Variants in PDE6A observed in about 807,000 individuals in gnomAD.
The protein encoded by PDE6A is phosphodiesterase 6A.
A neutral mutation model predicts 106.3 loss-of-function variants in PDE6A; 84 were observed. That is an observed-to-expected ratio of 0.79 (90% CI 0.66 to 0.95). PDE6A has a LOEUF of 0.95. Among genes scored for constraint, PDE6A ranks in the 40% least tolerant of loss-of-function variants. The pLI is 0.00. For synonymous variants in PDE6A, 394 were observed against 386.6 expected, an observed-to-expected ratio of 1.02 and a Z score of -0.23; for missense variants, 1,052 against 1,084.9, an observed-to-expected ratio of 0.97 and a Z score of 0.43.
At chr5:149,932,838 G>C (rs1754081663) in intron 3 of PDE6A, among the ~76,000 whole-genome samples, 2 of 152,342 alleles carry the variant, frequency 1.3e-5, no homozygotes, top group South Asian at 4.1e-4. Context: ...CCACAGGAGG[G>C]TCCCGGTGAG....
intron 13 of PDE6A, among the ~76,000 whole-genome samples, chr5:149,889,899 T>C (rs1430237631): frequency 7.5e-6 from 1 of 133,350 alleles, no homozygotes; most frequent in African/African-American, 2.8e-5. Context: ...AGAACAAGAC[T>C]CTGTCTCAAA....
chr5:149,884,203 T>C (rs994113930), intron 16 of PDE6A, among the ~76,000 whole-genome samples: 1 of 142,026 alleles, frequency 7.0e-6, no homozygotes, highest in Non-Finnish European at 1.5e-5. Context: ...AAAAAAAATA[T>C]ATATATATAT....
Position 149,860,936 on chromosome 5 carries a change from G to T in PDE6A, c.2542C>A (p.Pro848Thr), listed in dbSNP as rs1166706719. ...GACTTGGATGTAGTTGCACCCCCTG[G>T]GCTGGGGTTTCCCCCCGGCTGATTT... ...AGNQPGGNPSPGGATTSKSCC... is the reference protein window; with the variant it reads ...AGNQPGGNPSTGGATTSKSCC... Residue 848 changes from proline to threonine, a missense_variant, in exon 22 of 22, where the codon CCA becomes ACA. Transcript: ENST00000255266. 6.2e-7 allele frequency: 1 copy of T among 1,614,028 alleles called. No individual in the cohort carries two copies. Among genetic ancestry groups the T allele is most frequent in the African/African-American group, 1.3e-5 (1 of 74,916 alleles).
intron 17 of PDE6A, among the ~76,000 whole-genome samples, chr5:149,882,300 G>A (rs1043915887): frequency 6.6e-6 from 1 of 151,906 alleles, no homozygotes; most frequent in Non-Finnish European, 1.5e-5. Context: ...CCTCTTCTCT[G>A]TTGCAGACAT....
chr5:149,895,216 G>A lies in PDE6A; in HGVS notation c.1695C>T (p.Phe565=), dbSNP rs555717382. 6.2e-6 allele frequency: 10 copies of A among 1,614,054 alleles called. No individual in the cohort carries two copies. In the African/African-American group the frequency reaches 1.1e-4, roughly 17 times the overall value. Residue 565 remains phenylalanine, a synonymous_variant, in exon 13 of 22, where the codon TTC becomes TTT. Transcript: ENST00000255266. The part of the protein sequence containing the change: ...KITYHNWRHG[F]NVGQTMFSLL... ...GGGAGAACATGGTCTGCCCCACGTT[G>A]AAGCCGTGCCGCCAGTTGTGGTAGG...
rs183790417 is a variant in PDE6A, at chr5:149,918,953, A to C, written c.933+2682T>G. 1.0e-3 allele frequency among the ~76,000 whole-genome samples: 155 copies of C among 152,300 alleles called. No individual in the cohort carries two copies. In the South Asian group the frequency reaches 0.012, roughly 11 times the overall value. On this transcript the variant is annotated intron_variant, in intron 5 of 21. Coordinates refer to ENST00000255266, the MANE Select transcript of PDE6A (RefSeq NM_000440.3). ...AACTTTCTTAAAAATATTTTTAAAT[A>C]GTCAAGTTGTACCCTATAAGCAGTT...
chr5:149,944,245 A>G lies in PDE6A; in HGVS notation c.429T>C (p.His143=), dbSNP rs2113673098. 6.2e-7 allele frequency: 1 copy of G among 1,613,978 alleles called. No individual in the cohort carries two copies. Among genetic ancestry groups the G allele is most frequent in the Non-Finnish European group, 8.5e-7 (1 of 1,180,004 alleles). Residue 143 remains histidine, a synonymous_variant, in exon 1 of 22, where the codon CAT becomes CAC. Coordinates refer to ENST00000255266, the MANE Select transcript of PDE6A (RefSeq NM_000440.3). ...VFPLDMGIVG[H]VAHSKKIANV... is the part of the protein sequence containing the mutation. Reference sequence around the variant, plus strand: ...TAGCAATCTTCTTAGAGTGTGCGACATGGCCCACGATGCCCATGTCCAAAG... The same window carrying G: ...TAGCAATCTTCTTAGAGTGTGCGACGTGGCCCACGATGCCCATGTCCAAAG...
rs958156333 is a variant in PDE6A at position 149,896,383 on chromosome 5, C to T, written c.1593G>A (p.Val531=). The part of the protein sequence containing the change: ...CGIQMYYELK[V]VDKFHIPQEA... ...CTTGTGGAATGTGAAATTTATCCAC[C>T]ACTTTGAGCTCATAATACATCTGTA... is the stretch of plus-strand genomic sequence containing the variant. The change falls in exon 12 of 22, where the codon GTG becomes GTA. Residue 531 remains valine (V), a synonymous_variant. Transcript: ENST00000255266. 3 of 1,613,950 alleles carry T rather than the reference C, an allele frequency of 1.9e-6. No homozygotes were observed. The South Asian group carries it at 3.3e-5, about 18-fold the overall frequency.
intron 19 of PDE6A, 42 bp downstream of exon 19, chr5:149,867,683 C>T: frequency 6.4e-7 from 1 of 1,551,804 alleles, no homozygotes; most frequent in Non-Finnish European, 8.9e-7. Flanking sequence ...CAGGATGGAG[C>T]ACACACACCT....
Position 149,886,354 on chromosome 5 carries a change from G to C in PDE6A, c.1749C>G (p.Tyr583Ter), listed in dbSNP as rs121918576. 4 of 1,613,874 alleles carry C rather than the reference G, an allele frequency of 2.5e-6. No homozygotes were observed. The highest frequency in any genetic ancestry group is 1.7e-5 in the Admixed American group (1 of 60,008). The change falls in exon 14 of 22, where the codon TAC (tyrosine) becomes TAG (stop). Residue 583 changes from tyrosine (Y) to a stop codon, truncating the protein, a stop_gained. Transcript: ENST00000255266. LOFTEE classifies it high-confidence loss of function. The part of the protein sequence containing the change: ...SLLVTGKLKR[Y>*]FTDLEALAMV... Reference sequence around the variant, plus strand: ...TGGCCAAGGCCTCTAGGTCCGTGAAGTAGCGCTTCAGCTTTCCCGTCTGGA... The same window carrying C: ...TGGCCAAGGCCTCTAGGTCCGTGAACTAGCGCTTCAGCTTTCCCGTCTGGA...
At chr5:149,870,855 A>C (rs1293178281) in intron 17 of PDE6A, among the ~76,000 whole-genome samples, 1 of 148,098 alleles carries the variant, frequency 6.8e-6, no homozygotes, top group Non-Finnish European at 1.5e-5. Flanking sequence ...AAGAAGAAGA[A>C]AGAAAGAGAA....
At chr5:149,937,861 AG>A (rs1158096106) in intron 1 of PDE6A, among the ~76,000 whole-genome samples, 1 of 152,220 alleles carries the variant, frequency 6.6e-6, no homozygotes, top group East Asian at 1.9e-4. Flanking sequence ...CTCTCACATC[AG>A]CCCTGCCAAA....
chr5:149,876,183 A>C (rs1338888131), intron 17 of PDE6A, among the ~76,000 whole-genome samples: 3 of 152,176 alleles, frequency 2.0e-5, no homozygotes, highest in Non-Finnish European at 4.4e-5. Flanking sequence ...AACAAAATAT[A>C]CTACCTATTT....
Position 149,899,584 on chromosome 5 carries a change from T to G in PDE6A, c.1114-60A>C. The stretch of plus-strand genomic sequence containing the variant: ...TTTCAGGCCACAGAGGCAACGATGA[T>G]AGATTTCACCCTACATCATGACCCT... On this transcript the variant is annotated intron_variant, in intron 8 of 21. Transcript: ENST00000255266. 6 of 1,527,834 alleles carry G rather than the reference T, an allele frequency of 3.9e-6. No homozygotes were observed. The South Asian group carries it at 6.7e-5, about 17-fold the overall frequency. The allele number at this position is 1,527,834 out of a possible 1,614,324, so 94.6% of individuals were successfully genotyped here.
At chr5:149,933,877 A>G in intron 3 of PDE6A, 53 bp downstream of exon 3, 1 of 1,328,620 alleles carries the variant, frequency 7.5e-7, no homozygotes, top group Admixed American at 1.8e-5. Context: ...GACCACATCA[A>G]TGCTTCAGGG....
In PDE6A at chr5:149,883,441, TTCCGTGTCTGCTCCAGCATCATG is replaced by T; in HGVS notation, c.2100_2122del (p.Tyr700Ter). 1.9e-6 allele frequency: 3 copies of T among 1,611,644 alleles called. No homozygotes were observed. The highest frequency in any genetic ancestry group is 2.5e-6 in the Non-Finnish European group (3 of 1,177,716). ...CATCCCAACTCACATAACGATTTCCTTCCGTGTCTGCTCCAGCATCATGTACTGTGTCCACTCCTGTTCACTCT... is the reference window on the plus strand; with the variant it reads ...CATCCCAACTCACATAACGATTTCCTTACTGTGTCCACTCCTGTTCACTCT... On this transcript the variant is annotated stop_gained and frameshift_variant, in exon 17 of 22. Transcript: ENST00000255266. LOFTEE classifies it high-confidence loss of function.
intron 4 of PDE6A, among the ~76,000 whole-genome samples, chr5:149,928,041 C>T (rs932133907): frequency 2.0e-5 from 3 of 151,286 alleles, no homozygotes; most frequent in African/African-American, 7.3e-5. Flanking sequence ...CCTGAAGGAC[C>T]TGCCTGAGGC....
chr5:149,911,681 T>A (rs1179229837), intron 6 of PDE6A, among the ~76,000 whole-genome samples: 1 of 152,102 alleles, frequency 6.6e-6, no homozygotes, highest in African/African-American at 2.4e-5. Flanking sequence ...GTCATTTAAC[T>A]TGAACATCTA....
At chr5:149,898,962 C>G (rs1053252384) in intron 9 of PDE6A, among the ~76,000 whole-genome samples, 12 of 152,204 alleles carry the variant, frequency 7.9e-5, no homozygotes, top group Non-Finnish European at 2.9e-5. Context: ...CTCTTGGGCT[C>G]AAGTGATCCT....
Sources: allele counts gnomAD v4.1 joint callset (sites outside exome capture counted in the v4.1 genomes callset), GRCh38; gene constraint gnomAD v4.1.1; transcripts MANE v1.5; gene names NCBI Gene and HGNC (gene_info 2026-07-23, HGNC 2026-07-21).